CYP2C19: variants seen among roughly 807,000 people sequenced by gnomAD.
The protein encoded by CYP2C19 is cytochrome P450 family 2 subfamily C member 19, also known as cytochrome P450 2C19.
In CYP2C19, 59 loss-of-function variants were observed where a neutral mutation model predicts 40.9. The observed-to-expected ratio is 1.44, with a 90% CI of 1.17 to 1.79. CYP2C19 has a LOEUF of 1.79. CYP2C19 is among the 40% of genes most tolerant of loss of function. CYP2C19 has a pLI of 0.00. For missense variants in CYP2C19, 754 were observed against 596.9 expected, an observed-to-expected ratio of 1.26 and a Z score of -2.74; for synonymous variants, 253 against 208.7, an observed-to-expected ratio of 1.21 and a Z score of -1.83.
At chr10:94,806,671 A>T (rs1003583727) in intron 5 of CYP2C19, among the ~76,000 whole-genome samples, 5 of 148,172 alleles carry the variant, frequency 3.4e-5, no homozygotes, top group Admixed American at 2.7e-4. Flanking sequence ...ATAGTAAAAA[A>T]TATATTATAA....
rs759379748 is a variant in CYP2C19 at position 94,781,812 on chromosome 10, T to G, written c.643-9T>G. On this transcript the variant is annotated splice_polypyrimidine_tract_variant and intron_variant, in intron 4 of 8. Coordinates refer to ENST00000371321, the MANE Select transcript of CYP2C19 (RefSeq NM_000769.4). ...GCTTTTAATTTAATAAATTATTGTT[T>G]TCTCTTAGATATGCAATAATTTTCC... 1 of 1,371,314 alleles carries G rather than the reference T, an allele frequency of 7.3e-7. No homozygotes were observed. The highest frequency in any genetic ancestry group is 2.9e-5 in the Admixed American group (1 of 34,210). The allele number at this position is 1,371,314 out of a possible 1,614,324, so 84.9% of individuals were successfully genotyped here.
intron 6 of CYP2C19, among the ~76,000 whole-genome samples, chr10:94,833,354 C>T (rs1849358455): frequency 6.6e-6 from 1 of 152,082 alleles, no homozygotes; most frequent in African/African-American, 2.4e-5. Flanking sequence ...ACAGAAAATG[C>T]TTTCAGTTTT....
At chr10:94,810,871 G>A (rs1848912202) in intron 5 of CYP2C19, among the ~76,000 whole-genome samples, 1 of 151,984 alleles carries the variant, frequency 6.6e-6, no homozygotes, top group Non-Finnish European at 1.5e-5. Context: ...GGATTTTCCT[G>A]TCTCTATCTC....
intron 5 of CYP2C19, among the ~76,000 whole-genome samples, chr10:94,812,511 C>T (rs1309108381): frequency 6.6e-6 from 1 of 152,140 alleles, no homozygotes; most frequent in East Asian, 1.9e-4. Context: ...TCAGGTACAC[C>T]AATCAAACGT....
chr10:94,795,755 T>C (rs1848675489), intron 5 of CYP2C19, among the ~76,000 whole-genome samples: 1 of 152,042 alleles, frequency 6.6e-6, no homozygotes, highest in Non-Finnish European at 1.5e-5. Context: ...TGATGGCCAA[T>C]GATGATGAAC....
At chr10:94,797,265 T>A (rs546813857) in intron 5 of CYP2C19, among the ~76,000 whole-genome samples, 167 of 151,902 alleles carry the variant, frequency 1.1e-3, no homozygotes, top group African/African-American at 3.5e-3. Context: ...GGTTTTTGTC[T>A]TTGGTTCTGT....
intron 6 of CYP2C19, among the ~76,000 whole-genome samples, chr10:94,836,132 C>T: frequency 6.6e-6 from 1 of 152,220 alleles, no homozygotes; most frequent in Non-Finnish European, 1.5e-5. Context: ...AGTAATAGAG[C>T]CTGATATTTA....
intron 5 of CYP2C19, among the ~76,000 whole-genome samples, chr10:94,816,884 C>T (rs1849014369): frequency 6.8e-6 from 1 of 147,266 alleles, no homozygotes; most frequent in Non-Finnish European, 1.5e-5. Flanking sequence ...CAATTTCATC[C>T]ATGTCCCTAC....
intron 3 of CYP2C19, 178 bp downstream of exon 3, chr10:94,775,717 G>T (rs1420105678): frequency 7.1e-6 from 7 of 981,066 alleles, no homozygotes; most frequent in Non-Finnish European, 1.1e-5. Flanking sequence ...TGCTGTGTGT[G>T]TACAGGCATG....
At chr10:94,833,739 C>T (rs1408111172) in intron 6 of CYP2C19, among the ~76,000 whole-genome samples, 1 of 152,172 alleles carries the variant, frequency 6.6e-6, no homozygotes, top group Non-Finnish European at 1.5e-5. Flanking sequence ...AATACTTTTT[C>T]AGCATCAACT....
chr10:94,813,960 GA>G (rs1451208467), intron 5 of CYP2C19, among the ~76,000 whole-genome samples: 1 of 150,576 alleles, frequency 6.6e-6, no homozygotes, highest in Non-Finnish European at 1.5e-5. Context: ...GAAGACCATG[GA>G]AAAACTGCAG....
rs774170234 is a variant in CYP2C19, at chr10:94,843,765, C to T, written c.1149+741C>T. Among the ~76,000 whole-genome samples the T allele has an allele frequency of 1.1e-4, 16 of 152,154 alleles. No individual in the cohort carries two copies. The East Asian group carries it at 1.2e-3, about 11-fold the overall frequency. On this transcript the variant is annotated intron_variant, in intron 7 of 8. Transcript: ENST00000371321. ...GGGCTTAATTTCTCTTTATTGCATT[C>T]ATTATTGCATTGGCTAGAATTTCTA...
chr10:94,778,967 C>T (rs1848447171), intron 3 of CYP2C19, among the ~76,000 whole-genome samples: 1 of 152,102 alleles, frequency 6.6e-6, no homozygotes, highest in African/African-American at 2.4e-5. Flanking sequence ...TTTGCAGGGA[C>T]ATGGATGAAG....
intron 6 of CYP2C19, among the ~76,000 whole-genome samples, chr10:94,828,897 G>T (rs1242846729): frequency 1.3e-5 from 2 of 151,992 alleles, no homozygotes; most frequent in Non-Finnish European, 2.9e-5. Flanking sequence ...TGTCTGTAAA[G>T]GATTTTATTT....
intron 5 of CYP2C19, among the ~76,000 whole-genome samples, chr10:94,798,796 G>A (rs902759497): frequency 8.2e-5 from 12 of 146,060 alleles, no homozygotes; most frequent in African/African-American, 3.0e-4. Flanking sequence ...TTATCAAAGG[G>A]TAGGATTGCA....
intron 5 of CYP2C19, among the ~76,000 whole-genome samples, chr10:94,804,015 T>C (rs1042951317): frequency 6.6e-6 from 1 of 152,150 alleles, no homozygotes. Flanking sequence ...GCAGTCTGCC[T>C]GGGTGTGGAG....
chr10:94,766,770 T>C (rs1310408229), intron 1 of CYP2C19, among the ~76,000 whole-genome samples: 5 of 152,036 alleles, frequency 3.3e-5, no homozygotes, highest in African/African-American at 7.2e-5. Context: ...CCTGAGCTGA[T>C]GGTACTGCAG....
chr10:94,849,656 G>A (rs1263047179), intron 7 of CYP2C19, among the ~76,000 whole-genome samples: 129 of 102,902 alleles, frequency 1.3e-3, no homozygotes, highest in African/African-American at 4.9e-3. Flanking sequence ...AACAGTCCCC[G>A]AAGTGTGATG....
In CYP2C19 at chr10:94,843,020, C is replaced by T; in HGVS notation, c.1145C>T (p.Pro382Leu). 1 of 1,614,112 alleles carries T rather than the reference C, an allele frequency of 6.2e-7. No homozygotes were observed. The highest frequency in any genetic ancestry group is 1.1e-5 in the South Asian group (1 of 91,078). ...GTTAAATTCAGAAACTACCTCATTCCCAAGGTAAGTTTGTTTCTCCTACAC... is the reference window on the plus strand; with the variant it reads ...GTTAAATTCAGAAACTACCTCATTCTCAAGGTAAGTTTGTTTCTCCTACAC... ...CDVKFRNYLI[P>L]KGTTILTSLT... Residue 382 changes from proline to leucine, a missense_variant, in exon 7 of 9, where the codon CCC becomes CTC. By Grantham distance (98) the Pro-to-Leu change is moderately conservative. Coordinates refer to ENST00000371321, the MANE Select transcript of CYP2C19 (RefSeq NM_000769.4).
Sources: allele counts gnomAD v4.1 joint callset (sites outside exome capture counted in the v4.1 genomes callset), GRCh38; gene constraint gnomAD v4.1.1; transcripts MANE v1.5; gene names NCBI Gene and HGNC (gene_info 2026-07-23, HGNC 2026-07-21).